Variants in SLC39A9 observed in about 807,000 individuals in gnomAD.
SLC39A9 encodes zinc transporter ZIP9.
In SLC39A9, 14 loss-of-function variants were observed where a neutral mutation model predicts 28.4. The ratio of observed to expected loss-of-function variants is 0.49; its 90% CI spans 0.33 to 0.77. The LOEUF is 0.77. Ranked by LOEUF, SLC39A9 falls within the 30% of genes least tolerant of loss-of-function variation. The probability of loss-of-function intolerance (pLI) is 0.02; values close to 1 mark genes in which losing one functional copy is unlikely to be tolerated. For synonymous variants in SLC39A9, 119 were observed against 149.6 expected (o/e 0.80, Z 1.49); for missense variants, 283 against 381.1 (o/e 0.74, Z 2.14).
intron 1 of SLC39A9, among the ~76,000 whole-genome samples, chr14:69,417,453 C>T (rs1026702542): frequency 9.9e-5 from 15 of 152,102 alleles, no homozygotes; most frequent in African/African-American, 2.9e-4. Context: ...CTTGGCAATG[C>T]GACCTGTTTT....
intron 1 of SLC39A9, among the ~76,000 whole-genome samples, chr14:69,413,350 C>T (rs918620820): frequency 2.0e-5 from 3 of 150,334 alleles, no homozygotes; most frequent in African/African-American, 7.3e-5. Context: ...AGCGAGACTC[C>T]GTCTCAAAAA....
At chr14:69,447,015 T>C (rs1372524932) in intron 3 of SLC39A9, among the ~76,000 whole-genome samples, 1 of 151,602 alleles carries the variant, frequency 6.6e-6, no homozygotes, top group Non-Finnish European at 1.5e-5. Context: ...GCTCCAATTA[T>C]TAAATGTAGA....
chr14:69,436,800 G>C (rs966187073), intron 2 of SLC39A9, among the ~76,000 whole-genome samples: 5 of 152,122 alleles, frequency 3.3e-5, no homozygotes, highest in African/African-American at 1.2e-4. Flanking sequence ...TTTCTCTATA[G>C]AGCTGTGGCT....
At position 69,460,170 on chromosome 14, in the gene SLC39A9, T is replaced by C; in HGVS notation, c.*1577T>C. On this transcript the variant is annotated 3_prime_UTR_variant, in exon 7 of 7. Transcript: ENST00000336643. ...CATTACACTAAGGGGGAACCAAGACTAGTTTCTTCAGGGCAGTGGACGTAG... is the reference window on the plus strand; with the variant it reads ...CATTACACTAAGGGGGAACCAAGACCAGTTTCTTCAGGGCAGTGGACGTAG... 1.0e-6 allele frequency: 1 copy of C among 985,840 alleles called. No individual in the cohort carries two copies. Among genetic ancestry groups the C allele is most frequent in the East Asian group, 1.1e-4 (1 of 8,824 alleles). 61.1% of individuals were successfully genotyped at this position (985,840 alleles called of 1,614,324 possible).
At chr14:69,406,938 C>T (rs1327127236) in intron 1 of SLC39A9, among the ~76,000 whole-genome samples, 1 of 149,176 alleles carries the variant, frequency 6.7e-6, no homozygotes, top group Non-Finnish European at 1.5e-5. Flanking sequence ...GCAACCTCCC[C>T]TTCCCAGGTT....
At position 69,442,130 on chromosome 14, in the gene SLC39A9, A is replaced by G. The variant is rs747846338; in HGVS notation, c.267A>G (p.Lys89=). 1 of 1,614,202 alleles carries G rather than the reference A, an allele frequency of 6.2e-7. No homozygotes were observed. Among genetic ancestry groups the G allele is most frequent in the Non-Finnish European group, 8.5e-7 (1 of 1,180,034 alleles). The change falls in exon 3 of 7, where the codon AAA becomes AAG. Residue 89 remains lysine, a synonymous_variant. Coordinates refer to ENST00000336643, the MANE Select transcript of SLC39A9 (RefSeq NM_018375.5). Reference sequence around the variant, plus strand: ...TTGCATCAGACAAAGCAGCAGAAAAATCAGTTGTCCATGAACATGAGCACA... The same window carrying G: ...TTGCATCAGACAAAGCAGCAGAAAAGTCAGTTGTCCATGAACATGAGCACA... ...NVIASDKAAE[K]SVVHEHEHSH...
intron 3 of SLC39A9, among the ~76,000 whole-genome samples, chr14:69,450,512 C>A (rs544645630): frequency 2.0e-5 from 3 of 152,064 alleles, no homozygotes; most frequent in Non-Finnish European, 4.4e-5. Flanking sequence ...CAATGGTGCA[C>A]GCCTGTAATC....
intron 2 of SLC39A9, among the ~76,000 whole-genome samples, chr14:69,427,398 A>G (rs185938313): frequency 7.2e-5 from 11 of 152,260 alleles, no homozygotes; most frequent in South Asian, 6.2e-4. Flanking sequence ...ACCTTTCATC[A>G]TAGATTAGTT....
At chr14:69,449,845 C>CTG (rs144331310) in intron 3 of SLC39A9, among the ~76,000 whole-genome samples, 4,202 of 150,030 alleles carry the variant, frequency 0.028, 159 homozygotes, top group African/African-American at 0.086. Flanking sequence ...ACATCCTGCT[C>CTG]TGTGTGTGTG....
chr14:69,453,252 G>C lies in SLC39A9; in HGVS notation c.415G>C (p.Ala139Pro). The C allele has an allele frequency of 6.2e-7, 1 of 1,613,864 alleles. No individual in the cohort carries two copies. The highest frequency in any genetic ancestry group is 8.5e-7 in the Non-Finnish European group (1 of 1,179,792). Reference protein sequence around the residue: ...HVHSTDDPEAARSSNSKITTT... With the variant: ...HVHSTDDPEAPRSSNSKITTT... ...CATTTTCACTTTAGATCCAGAAGCA[G>C]CAAGGTCTAGCAATTCCAAAATCAC... Residue 139 changes from alanine (A) to proline (P), a missense_variant, in exon 4 of 7, where the codon GCA becomes CCA. By Grantham distance (27) the Ala-to-Pro change is conservative. Transcript: ENST00000336643.
chr14:69,446,732 G>A (rs1033600294), intron 3 of SLC39A9, among the ~76,000 whole-genome samples: 5 of 151,902 alleles, frequency 3.3e-5, no homozygotes, highest in African/African-American at 1.2e-4. Context: ...AATTAGCCAG[G>A]TATGGTGGCA....
chr14:69,411,322 G>A (rs530259469), intron 1 of SLC39A9, among the ~76,000 whole-genome samples: 1 of 152,026 alleles, frequency 6.6e-6, no homozygotes, highest in Admixed American at 6.6e-5. Flanking sequence ...TTACCTTGGT[G>A]TCTGCCAAGA....
intron 2 of SLC39A9, among the ~76,000 whole-genome samples, chr14:69,438,386 A>G (rs902193376): frequency 5.3e-5 from 8 of 152,214 alleles, no homozygotes; most frequent in South Asian, 2.1e-4. Flanking sequence ...GTTTGTATAC[A>G]TGTTACTACA....
At chr14:69,446,292 A>ATG (rs1483653798) in intron 3 of SLC39A9, among the ~76,000 whole-genome samples, 1 of 150,626 alleles carries the variant, frequency 6.6e-6, no homozygotes, top group Non-Finnish European at 1.5e-5. Context: ...ATATATATAT[A>ATG]TATGTCCTAG....
At chr14:69,410,750 A>G (rs549200542) in intron 1 of SLC39A9, among the ~76,000 whole-genome samples, 1 of 152,200 alleles carries the variant, frequency 6.6e-6, no homozygotes, top group African/African-American at 2.4e-5. Context: ...GTTACTTCAT[A>G]GCCTGTGATA....
At position 69,454,806 on chromosome 14, in the gene SLC39A9, A is replaced by G. The variant is rs368194737; in HGVS notation, c.473-6A>G. On this transcript the variant is annotated splice_polypyrimidine_tract_variant and splice_region_variant and intron_variant, in intron 4 of 6. Transcript: ENST00000336643. ...GTATTTTATGTTTCCTTGTTTCCAA[A>G]TATAGCTGATGGTGTTGCTTTGGGA... The G allele has an allele frequency of 6.2e-7, 1 of 1,612,580 alleles. No individual in the cohort carries two copies. The highest frequency in any genetic ancestry group is 8.5e-7 in the Non-Finnish European group (1 of 1,178,812).
At chr14:69,423,846 C>T (rs562723501) in intron 1 of SLC39A9, among the ~76,000 whole-genome samples, 140 of 150,504 alleles carry the variant, frequency 9.3e-4, no homozygotes, top group South Asian at 2.3e-3. Flanking sequence ...TGCAGTGAGC[C>T]GAGACCACGC....
In SLC39A9 at chr14:69,447,498, A is replaced by G. The variant is rs370194872; in HGVS notation, c.403+5232A>G. Among the ~76,000 whole-genome samples the G allele has an allele frequency of 5.9e-5, 9 of 152,218 alleles. No homozygotes were observed. In the East Asian group the frequency reaches 1.7e-3, roughly 29 times the overall value. ...TTCAGTGGTTACAGCACTGAAAATAAGGGAGAATCCTAGAACGAAGAGAAA... is the reference window on the plus strand; with the variant it reads ...TTCAGTGGTTACAGCACTGAAAATAGGGGAGAATCCTAGAACGAAGAGAAA... On this transcript the variant is annotated intron_variant, in intron 3 of 6. Transcript: ENST00000336643.
At chr14:69,425,852 A>C (rs1461818927) in intron 2 of SLC39A9, among the ~76,000 whole-genome samples, 1 of 151,746 alleles carries the variant, frequency 6.6e-6, no homozygotes, top group East Asian at 1.9e-4. Context: ...TTTTGTAGAG[A>C]TAGAGTCTCC....
Sources: gnomAD v4.1 joint callset for allele counts (sites outside exome capture counted in the v4.1 genomes callset) on GRCh38, gnomAD v4.1.1 for gene constraint, MANE v1.5 for transcripts, NCBI Gene and HGNC (gene_info 2026-07-23, HGNC 2026-07-21) for gene names.